Variants in RUFY3 observed in about 807,000 individuals in gnomAD.
RUFY3 encodes protein RUFY3.
Under a neutral mutation model 84.0 loss-of-function variants are expected in RUFY3, and 34 were observed. The observed-to-expected ratio is 0.40, with a 90% CI of 0.31 to 0.54. The LOEUF is 0.54. Among genes scored for constraint, RUFY3 ranks in the 20% least tolerant of loss-of-function variants. The pLI is 0.39. For synonymous variants in RUFY3, 242 were observed against 252.9 expected, an observed-to-expected ratio of 0.96 and a Z score of 0.41; for missense variants, 507 against 736.8, an observed-to-expected ratio of 0.69 and a Z score of 3.61.
exon 1 of RUFY3, chr4:70,705,090 G>A (rs1386210875): frequency 2.2e-6 from 3 of 1,341,242 alleles, no homozygotes; most frequent in African/African-American, 1.5e-5. Flanking sequence ...GGCCTCCCCC[G>A]CCGGGCAGTC....
rs77613480 is a variant in RUFY3, at chr4:70,736,439, T to C, written c.178+13688T>C. 2.2e-3 allele frequency among the ~76,000 whole-genome samples: 335 copies of C among 152,336 alleles called. 6 individuals carry two copies. The East Asian group carries it at 0.056, about 25-fold the overall frequency. The stretch of plus-strand genomic sequence containing the variant: ...ACTTGCAAACTCAAAATTTTATACA[T>C]GTAAGATCATACCACACCTGTGCTG... On this transcript the variant is annotated intron_variant, in intron 1 of 17. Coordinates refer to ENST00000381006, the MANE Select transcript of RUFY3 (RefSeq NM_001037442.4).
intron 4 of RUFY3, among the ~76,000 whole-genome samples, chr4:70,764,986 G>A (rs1424755931): frequency 1.3e-5 from 2 of 152,008 alleles, no homozygotes; most frequent in Admixed American, 6.6e-5. Context: ...AGGAGTCTGA[G>A]ACCAGCCTGG....
intron 17 of RUFY3, among the ~76,000 whole-genome samples, chr4:70,804,794 G>A (rs1265119180): frequency 6.6e-6 from 1 of 151,454 alleles, no homozygotes; most frequent in Admixed American, 6.6e-5. Flanking sequence ...AGCCGGGCGT[G>A]GTGGCCTGTA....
rs1243568285 is a variant in RUFY3, at chr4:70,783,147, A to G, written c.951A>G (p.Lys317=). 1 of 1,611,304 alleles carries G rather than the reference A, an allele frequency of 6.2e-7. No homozygotes were observed. Among genetic ancestry groups the G allele is most frequent in the Admixed American group, 1.7e-5 (1 of 59,914 alleles). The change falls in exon 9 of 18, where the codon AAA becomes AAG. Residue 317 remains lysine (K), a synonymous_variant. Transcript: ENST00000381006. The part of the protein sequence containing the change: ...ITLQEEMERV[K]EESSYILESN... ...TACAAGAAGAAATGGAACGAGTTAAAGAGGAAAGTTCCTACATACTGGAAT... is the reference window on the plus strand; with the variant it reads ...TACAAGAAGAAATGGAACGAGTTAAGGAGGAAAGTTCCTACATACTGGAAT...
intron 13 of RUFY3, 168 bp from the exon 14 acceptor site, chr4:70,794,627 G>A: frequency 1.6e-6 from 1 of 623,400 alleles, no homozygotes; most frequent in Middle Eastern, 4.3e-4. Flanking sequence ...GATTCACACA[G>A]TTAAGCTTAG....
chr4:70,793,598 T>C (rs1731133534), intron 12 of RUFY3, 187 bp from the exon 13 acceptor site: 1 of 1,472,130 alleles, frequency 6.8e-7, no homozygotes, highest in South Asian at 1.4e-5. Flanking sequence ...TACTTTTCTT[T>C]AGAATTTGTT....
chr4:70,779,458 T>C (rs1194242249), intron 8 of RUFY3, among the ~76,000 whole-genome samples: 1 of 152,336 alleles, frequency 6.6e-6, no homozygotes, highest in East Asian at 1.9e-4. Flanking sequence ...ATAAAAATAT[T>C]TTTTCCTTAA....
intron 1 of RUFY3, among the ~76,000 whole-genome samples, chr4:70,716,873 A>G (rs543125718): frequency 6.6e-6 from 1 of 152,090 alleles, no homozygotes; most frequent in East Asian, 1.9e-4. Flanking sequence ...AAAAGAAAAG[A>G]AAAAATACGC....
chr4:70,776,328 ATC>A (rs1191041769), intron 7 of RUFY3, among the ~76,000 whole-genome samples: 1 of 152,180 alleles, frequency 6.6e-6, no homozygotes, highest in African/African-American at 2.4e-5. Context: ...AAATCAACAC[ATC>A]CTTTTATTTT....
At chr4:70,781,256 G>A (rs1303904076) in intron 8 of RUFY3, among the ~76,000 whole-genome samples, 1 of 152,178 alleles carries the variant, frequency 6.6e-6, no homozygotes, top group Non-Finnish European at 1.5e-5. Flanking sequence ...AGCCAAGGCA[G>A]GAGGATCGTT....
intron 8 of RUFY3, among the ~76,000 whole-genome samples, chr4:70,781,094 A>C (rs1329524441): frequency 1.3e-5 from 2 of 152,168 alleles, no homozygotes; most frequent in East Asian, 3.9e-4. Flanking sequence ...CAAAAAAAAA[A>C]AAAAGGGCCA....
At chr4:70,728,227 GT>G (rs1415368981) in intron 1 of RUFY3, among the ~76,000 whole-genome samples, 1 of 152,172 alleles carries the variant, frequency 6.6e-6, no homozygotes, top group Non-Finnish European at 1.5e-5. Flanking sequence ...TTAGCCAACA[GT>G]TGCGCAAAAT....
intron 7 of RUFY3, 129 bp downstream of exon 7, chr4:70,775,362 G>C: frequency 3.6e-6 from 2 of 551,492 alleles, no homozygotes; most frequent in Non-Finnish European, 6.2e-6. Context: ...TGTTTGCCAG[G>C]CACTGAGTTA....
chr4:70,714,197 A>C (rs964852964), intron 1 of RUFY3, among the ~76,000 whole-genome samples: 1 of 152,058 alleles, frequency 6.6e-6, no homozygotes, highest in African/African-American at 2.4e-5. Context: ...ACACTCTTTC[A>C]TCACCTCCCG....
At chr4:70,779,610 G>C (rs957452365) in intron 8 of RUFY3, among the ~76,000 whole-genome samples, 2 of 144,494 alleles carry the variant, frequency 1.4e-5, no homozygotes, top group Non-Finnish European at 3.0e-5. Flanking sequence ...TTCTGAGATA[G>C]GGTATCATTC....
At chr4:70,771,843 A>G (rs1313898928) in intron 5 of RUFY3, among the ~76,000 whole-genome samples, 1 of 152,140 alleles carries the variant, frequency 6.6e-6, no homozygotes, top group Non-Finnish European at 1.5e-5. Flanking sequence ...TGTATATTTC[A>G]TATGCTGTAT....
rs373555907 is a variant in RUFY3 at position 70,788,917 on chromosome 4, C to T, written c.1183C>T (p.Arg395Trp). The change falls in exon 11 of 18, where the codon CGG becomes TGG. Residue 395 changes from arginine (R) to tryptophan (W), a missense_variant. Arg to Trp is a moderately radical substitution (Grantham distance 101, BLOSUM62 -3). Around this residue, in one of 4 missense-constraint regions of RUFY3, gnomAD observed 334 missense variants for 364.1 expected, o/e 0.92. Transcript: ENST00000381006. ...CEKQDALVSLRQQLDDLRALK... is the reference protein window; with the variant it reads ...CEKQDALVSLWQQLDDLRALK... Reference sequence around the variant, plus strand: ...GAAGCAGGATGCCCTGGTATCTCTTCGGCAGCAGCTGGATGACCTCAGAGC... The same window carrying T: ...GAAGCAGGATGCCCTGGTATCTCTTTGGCAGCAGCTGGATGACCTCAGAGC... 17 of 1,614,012 alleles carry T rather than the reference C, an allele frequency of 1.1e-5. No individual in the cohort carries two copies. Among genetic ancestry groups the T allele is most frequent in the African/African-American group, 1.3e-5 (1 of 74,892 alleles).
chr4:70,714,058 A>G (rs1054945058), intron 1 of RUFY3, among the ~76,000 whole-genome samples: 2 of 152,180 alleles, frequency 1.3e-5, no homozygotes, highest in Non-Finnish European at 2.9e-5. Flanking sequence ...AATGGTTAAT[A>G]TTATTATCCC....
intron 1 of RUFY3, among the ~76,000 whole-genome samples, chr4:70,746,473 T>C (rs7663793): frequency 0.12 from 17,260 of 149,826 alleles, 2,166 homozygotes; most frequent in African/African-American, 0.31. Context: ...CACCATTGCA[T>C]TCCAGCCTGG....
Sources: gnomAD v4.1 joint callset for allele counts (sites outside exome capture counted in the v4.1 genomes callset) on GRCh38, gnomAD v4.1.1 for gene constraint, gnomAD v4.1.1 regional missense constraint, MANE v1.5 for transcripts, NCBI Gene and HGNC (gene_info 2026-07-23, HGNC 2026-07-21) for gene names.